PIGU: variants seen among roughly 807,000 people sequenced by gnomAD.
PIGU encodes the protein phosphatidylinositol glycan anchor biosynthesis class U.
A neutral mutation model predicts 49.9 loss-of-function variants in PIGU; 24 were observed. That is an observed-to-expected ratio of 0.48 (90% CI 0.35 to 0.68). The LOEUF is 0.68. PIGU is among the 30% of genes least tolerant of loss of function. PIGU has a pLI of 0.01. For missense variants in PIGU, 490 were observed against 532.6 expected (o/e 0.92, Z 0.79); for synonymous variants, 220 against 205.7 (o/e 1.07, Z -0.59).
Position 34,666,015 on chromosome 20 carries a change from G to A in PIGU, c.131-8771C>T, listed in dbSNP as rs573288841. On this transcript the variant is annotated intron_variant, in intron 1 of 11. Coordinates refer to ENST00000217446, the MANE Select transcript of PIGU (RefSeq NM_080476.5). ...AGCCTGACCAATATGGTGAAACCCCGTCTCTACTAAGAATATAAAAATTAG... is the reference window on the plus strand; with the variant it reads ...AGCCTGACCAATATGGTGAAACCCCATCTCTACTAAGAATATAAAAATTAG... Among the ~76,000 whole-genome samples the A allele has an allele frequency of 2.5e-3, 382 of 152,168 alleles. 2 individuals carry two copies. Among genetic ancestry groups the A allele is most frequent in the Non-Finnish European group, 3.2e-3 (220 of 68,020 alleles).
chr20:34,612,043 T>C (rs991031881), intron 7 of PIGU, among the ~76,000 whole-genome samples: 4 of 152,176 alleles, frequency 2.6e-5, no homozygotes, highest in Non-Finnish European at 4.4e-5. Context: ...CATTCTACTA[T>C]AAAGATATAT....
chr20:34,624,478 C>G (rs904702370), intron 6 of PIGU, among the ~76,000 whole-genome samples: 1 of 152,178 alleles, frequency 6.6e-6, no homozygotes, highest in African/African-American at 2.4e-5. Flanking sequence ...CCTTCTTTCT[C>G]CTTGGCAAGC....
intron 9 of PIGU, among the ~76,000 whole-genome samples, chr20:34,583,901 T>C (rs1021376765): frequency 6.6e-5 from 10 of 152,216 alleles, no homozygotes; most frequent in Non-Finnish European, 1.5e-4. Flanking sequence ...GCAGGAAGGT[T>C]AGGACAGAGA....
At chr20:34,658,299 G>C (rs1036659220) in intron 1 of PIGU, among the ~76,000 whole-genome samples, 34 of 152,274 alleles carry the variant, frequency 2.2e-4, no homozygotes, top group Admixed American at 3.3e-4. Flanking sequence ...TCAGTGCTCA[G>C]TGGTGCCCAG....
chr20:34,609,526 AG>A (rs1207223538), intron 7 of PIGU, among the ~76,000 whole-genome samples: 36 of 152,040 alleles, frequency 2.4e-4, no homozygotes, highest in Admixed American at 9.8e-4. Context: ...CACCATGCCT[AG>A]CTAATTTTTG....
Position 34,581,639 on chromosome 20 carries a change from G to T in PIGU, c.960C>A (p.Ile320=). 6.2e-7 allele frequency: 1 copy of T among 1,613,924 alleles called. No individual in the cohort carries two copies. Among genetic ancestry groups the T allele is most frequent in the Non-Finnish European group, 8.5e-7 (1 of 1,179,860 alleles). ...EHPIFFMFIQ[I]AVIAIFKSYP... is the part of the protein sequence containing the mutation. ...AGGACTTAAAGATGGCGATGACAGC[G>T]ATCTGGATAAACATGAAGAAGATGG... Residue 320 remains isoleucine, a synonymous_variant, in exon 10 of 12, where the codon ATC becomes ATA. Coordinates refer to ENST00000217446, the MANE Select transcript of PIGU (RefSeq NM_080476.5).
At chr20:34,650,598 T>C (rs372955698) in intron 2 of PIGU, among the ~76,000 whole-genome samples, 2 of 151,948 alleles carry the variant, frequency 1.3e-5, no homozygotes, top group African/African-American at 2.4e-5. Flanking sequence ...TCCAAGTAGT[T>C]TGATAACTTC....
In PIGU at chr20:34,637,863, A is replaced by G. The variant is rs1245313979; in HGVS notation, c.428+13T>C. 6.2e-7 allele frequency: 1 copy of G among 1,607,192 alleles called. No homozygotes were observed. Among genetic ancestry groups the G allele is most frequent in the Non-Finnish European group, 8.5e-7 (1 of 1,177,772 alleles). ...TTGTTGGCACTAAGCCTGTTTTGTC[A>G]GGGAATACTTACAACAGGGCCACTT... On this transcript the variant is annotated intron_variant, in intron 5 of 11. Transcript: ENST00000217446.
Position 34,640,499 on chromosome 20 carries a change from GCA to G in PIGU, c.319-2516_319-2515del, listed in dbSNP as rs869136761. On this transcript the variant is annotated intron_variant, in intron 4 of 11. Coordinates refer to ENST00000217446, the MANE Select transcript of PIGU (RefSeq NM_080476.5). Reference sequence around the variant, plus strand: ...AAATTATACACACATGTGCGCACGCGCACACACACACACACACACACACACAC... The same window carrying G: ...AAATTATACACACATGTGCGCACGCGCACACACACACACACACACACACAC... 2.4e-4 allele frequency among the ~76,000 whole-genome samples: 4 copies of G among 16,498 alleles called. No homozygotes were observed. In the East Asian group the frequency reaches 3.1e-3, roughly 13 times the overall value. The allele number at this position is 16,498 out of a possible 152,430, so 10.8% of individuals were successfully genotyped here. A position where few individuals can be genotyped will look rare whatever the true frequency, so the allele number is the denominator to read the frequency against.
intron 10 of PIGU, among the ~76,000 whole-genome samples, chr20:34,578,566 G>GA (rs1371197044): frequency 6.6e-6 from 1 of 152,222 alleles, no homozygotes; most frequent in Non-Finnish European, 1.5e-5. Flanking sequence ...TGACAGGAAG[G>GA]AAACCAAGTG....
chr20:34,649,332 T>C (rs999785808), intron 2 of PIGU, among the ~76,000 whole-genome samples: 8 of 152,024 alleles, frequency 5.3e-5, no homozygotes, highest in African/African-American at 1.9e-4. Flanking sequence ...CTTCTCCCAT[T>C]CTAGAACTCC....
At chr20:34,602,951 G>T (rs934769872) in intron 7 of PIGU, among the ~76,000 whole-genome samples, 2 of 151,374 alleles carry the variant, frequency 1.3e-5, no homozygotes, top group African/African-American at 4.9e-5. Context: ...TATAGTTTAG[G>T]TCTTGCCTAT....
chr20:34,669,357 A>G (rs1321070617), intron 1 of PIGU, among the ~76,000 whole-genome samples: 2 of 152,140 alleles, frequency 1.3e-5, no homozygotes, highest in Admixed American at 1.3e-4. Flanking sequence ...GTAAGTTTAA[A>G]ATGATTTCAA....
At chr20:34,563,948 A>G (rs1273398829) in intron 11 of PIGU, among the ~76,000 whole-genome samples, 1 of 152,242 alleles carries the variant, frequency 6.6e-6, no homozygotes, top group Admixed American at 6.5e-5. Flanking sequence ...CCACAACCCC[A>G]GGATAGTCCT....
chr20:34,589,310 G>T (rs886292106), intron 7 of PIGU, among the ~76,000 whole-genome samples: 1 of 152,072 alleles, frequency 6.6e-6, no homozygotes, highest in Non-Finnish European at 1.5e-5. Flanking sequence ...AGTAAAAAAA[G>T]ACTTTAAAAA....
chr20:34,583,474 G>C (rs892575180), intron 9 of PIGU, among the ~76,000 whole-genome samples: 2 of 152,240 alleles, frequency 1.3e-5, no homozygotes, highest in Admixed American at 6.5e-5. Context: ...CAGAAGAGAA[G>C]ACAGCAGGGA....
At chr20:34,674,799 G>T (rs931033593) in intron 1 of PIGU, among the ~76,000 whole-genome samples, 1 of 151,870 alleles carries the variant, frequency 6.6e-6, no homozygotes, top group African/African-American at 2.4e-5. Flanking sequence ...TAACAAGTAG[G>T]GTTGGTGGTA....
intron 2 of PIGU, among the ~76,000 whole-genome samples, chr20:34,645,788 T>A (rs999841966): frequency 1.8e-4 from 28 of 151,962 alleles, no homozygotes; most frequent in African/African-American, 6.5e-4. Context: ...TCCCAACTAC[T>A]AGGGAGGCTG....
chr20:34,632,793 G>C (rs1018563574), intron 6 of PIGU, among the ~76,000 whole-genome samples: 12 of 152,128 alleles, frequency 7.9e-5, no homozygotes, highest in African/African-American at 2.9e-4. Flanking sequence ...TTAAGTTCCA[G>C]TATGACAGCT....
Sources: allele counts gnomAD v4.1 joint callset (sites outside exome capture counted in the v4.1 genomes callset), GRCh38; gene constraint gnomAD v4.1.1; transcripts MANE v1.5; gene names NCBI Gene and HGNC (gene_info 2026-07-23, HGNC 2026-07-21).